Variants in PCDHA4 observed in about 807,000 individuals in gnomAD.
PCDHA4 encodes the protein protocadherin alpha 4.
A neutral mutation model predicts 61.4 loss-of-function variants in PCDHA4; 49 were observed. That is an observed-to-expected ratio of 0.80 (90% confidence interval 0.63 to 1.01). PCDHA4 has a LOEUF of 1.01. Among genes scored for constraint, PCDHA4 ranks in the 50% least tolerant of loss-of-function variants. The probability of loss-of-function intolerance (pLI) is 0.00; values close to 1 mark genes in which losing one functional copy is unlikely to be tolerated. For synonymous variants in PCDHA4, 590 were observed against 550.3 expected (o/e 1.07, Z -1.01); for missense variants, 1,254 against 1,235.8 (o/e 1.01, Z -0.22).
intron 3 of PCDHA4, among the ~76,000 whole-genome samples, chr5:141,006,466 G>T (rs2153987717): frequency 6.6e-6 from 1 of 152,178 alleles, no homozygotes; most frequent in South Asian, 2.1e-4. Context: ...GCCTGTCTCG[G>T]CCTCCCAAAG....
intron 1 of PCDHA4, chr5:140,928,185 C>CA: frequency 1.2e-6 from 2 of 1,614,184 alleles, no homozygotes; most frequent in Non-Finnish European, 1.7e-6. Context: ...GAAGGACAAT[C>CA]ACTGTGTCAG....
intron 1 of PCDHA4, chr5:140,858,226 C>G (rs782380359): frequency 1.3e-6 from 2 of 1,595,414 alleles, no homozygotes; most frequent in Admixed American, 1.7e-5. Context: ...CGGCGCCCAC[C>G]GAGGGCGCAT....
At chr5:141,005,944 C>T (rs1563696119) in intron 3 of PCDHA4, among the ~76,000 whole-genome samples, 1 of 151,862 alleles carries the variant, frequency 6.6e-6, no homozygotes, top group African/African-American at 2.4e-5. Context: ...GAGAACCTAT[C>T]TCTAACAAAC....
chr5:140,926,705 G>A (rs1269250825), intron 1 of PCDHA4: 2 of 849,690 alleles, frequency 2.4e-6, no homozygotes, highest in Non-Finnish European at 3.3e-6. Context: ...GCTCCCAGCT[G>A]GCCAGCCCCG....
chr5:140,933,429 G>A (rs2089147163), intron 1 of PCDHA4, among the ~76,000 whole-genome samples: 1 of 151,830 alleles, frequency 6.6e-6, no homozygotes, highest in South Asian at 2.1e-4. Flanking sequence ...GTTCATAGGG[G>A]CACTCTAATG....
At chr5:140,901,580 C>T (rs2068755035) in intron 1 of PCDHA4, among the ~76,000 whole-genome samples, 3 of 152,008 alleles carry the variant, frequency 2.0e-5, no homozygotes, top group Admixed American at 6.6e-5. Context: ...TATGCCAGTG[C>T]CATGATGTTT....
intron 1 of PCDHA4, chr5:140,856,680 T>C: frequency 6.3e-7 from 1 of 1,596,810 alleles, no homozygotes. Context: ...AAGTTGTTGT[T>C]GACAGCAACT....
chr5:140,867,664 C>T (rs2050091732), intron 1 of PCDHA4: 1 of 152,076 alleles, frequency 6.6e-6, no homozygotes, highest in African/African-American at 2.4e-5. Flanking sequence ...TCACTTTCTA[C>T]TCTAAAATTT....
chr5:140,897,923 G>A (rs371929339), intron 1 of PCDHA4, among the ~76,000 whole-genome samples: 11 of 152,078 alleles, frequency 7.2e-5, no homozygotes, highest in East Asian at 5.8e-4. Flanking sequence ...TTTGATTTGC[G>A]TTTCTCTGAT....
chr5:140,883,850 C>G (rs369951260), intron 1 of PCDHA4: 31 of 1,612,792 alleles, frequency 1.9e-5, no homozygotes, highest in African/African-American at 4.0e-5. Flanking sequence ...CCACGAGGAG[C>G]TGGAGCTGTT....
intron 1 of PCDHA4, among the ~76,000 whole-genome samples, chr5:140,902,501 A>G (rs1264806549): frequency 1.3e-5 from 2 of 152,020 alleles, no homozygotes; most frequent in Admixed American, 6.6e-5. Context: ...ACTAGCTGTG[A>G]GTCTGTCATA....
intron 1 of PCDHA4, among the ~76,000 whole-genome samples, chr5:140,885,719 T>C (rs1304075284): frequency 6.6e-6 from 1 of 152,210 alleles, no homozygotes; most frequent in Non-Finnish European, 1.5e-5. Flanking sequence ...TAATGTGATC[T>C]CTGTGAAATG....
At chr5:140,821,085 T>C (rs1342209208) in intron 1 of PCDHA4, among the ~76,000 whole-genome samples, 3 of 151,810 alleles carry the variant, frequency 2.0e-5, no homozygotes, top group African/African-American at 7.3e-5. Flanking sequence ...TTTTTGAAAA[T>C]AACATCAACA....
At position 140,854,083 on chromosome 5, in the gene PCDHA4, G is replaced by T. The variant is rs545797216; in HGVS notation, c.2385+44511G>T. 8.5e-5 allele frequency: 23 copies of T among 269,910 alleles called. No individual in the cohort carries two copies. The East Asian group carries it at 3.2e-3, about 37-fold the overall frequency. The allele number at this position is 269,910 out of a possible 1,614,324, so 16.7% of individuals were successfully genotyped here. ...AGGCTGAGGCGAGAGAATCGCTTGA[G>T]CCTGGGACATTGAGGCTGCAGTGAA... On this transcript the variant is annotated intron_variant, in intron 1 of 3. Transcript: ENST00000530339.
chr5:140,863,615 T>A (rs1290782399), intron 1 of PCDHA4: 16 of 339,092 alleles, frequency 4.7e-5, no homozygotes, highest in Non-Finnish European at 8.7e-5. Context: ...ATGTCCCTCA[T>A]AGTGACATTG....
At chr5:140,966,709 G>T in intron 1 of PCDHA4, 2 of 1,387,174 alleles carry the variant, frequency 1.4e-6, no homozygotes, top group Non-Finnish European at 1.9e-6. Flanking sequence ...CGTGGGGCAC[G>T]GCTGGGGAAG....
chr5:140,810,680 T>C (rs887175912), intron 1 of PCDHA4: 5 of 97,508 alleles, frequency 5.1e-5, no homozygotes, highest in Admixed American at 1.9e-4. Context: ...CTTTTTTCTC[T>C]TCTTTTTGCT....
chr5:140,982,582 T>C lies in PCDHA4; in HGVS notation c.2533+19T>C. On this transcript the variant is annotated intron_variant, in intron 3 of 3. Transcript: ENST00000530339. ...ACACCAGGTAAAGAGCTGGGGTCTC[T>C]CCATTCTTTCTTGGTTTCTGGAAAG... 6.2e-7 allele frequency: 1 copy of C among 1,612,148 alleles called. No homozygotes were observed. Among genetic ancestry groups the C allele is most frequent in the Non-Finnish European group, 8.5e-7 (1 of 1,178,720 alleles).
At chr5:140,848,386 TC>T in intron 1 of PCDHA4, 1 of 1,217,430 alleles carries the variant, frequency 8.2e-7, no homozygotes, top group Non-Finnish European at 1.2e-6. Context: ...TTTTTCACTC[TC>T]TCTGTGCTGA....
Sources: gnomAD v4.1 joint callset for allele counts (sites outside exome capture counted in the v4.1 genomes callset) on GRCh38, gnomAD v4.1.1 for gene constraint, MANE v1.5 for transcripts, NCBI Gene and HGNC (gene_info 2026-07-23, HGNC 2026-07-21) for gene names.